Variants in PRCD observed in about 807,000 individuals in gnomAD.
PRCD encodes the protein photoreceptor disk component PRCD.
In PRCD, 12 loss-of-function variants were observed where a neutral mutation model predicts 10.1. The observed-to-expected ratio is 1.18, with a 90% CI of 0.76 to 1.92. PRCD has a LOEUF of 1.92. Ranked by LOEUF, PRCD falls within the 40% of genes most tolerant of loss-of-function variation. PRCD has a pLI of 0.00. For synonymous variants in PRCD, 31 were observed against 26.2 expected, an observed-to-expected ratio of 1.18 and a Z score of -0.56; for missense variants, 61 against 72.2, an observed-to-expected ratio of 0.84 and a Z score of 0.56.
chr17:76,536,607 G>A (rs1598207448), upstream of PRCD, among the ~76,000 whole-genome samples: 1 of 152,152 alleles, frequency 6.6e-6, no homozygotes, highest in African/African-American at 2.4e-5. Context: ...CTAAGCCTAG[G>A]TGTGTGAAGA....
chr17:76,531,731 T>C lies in PRCD; in HGVS notation n.45+3898T>C, dbSNP rs1036334876. On this transcript the variant is annotated intron_variant and non_coding_transcript_variant, in intron 1 of 4. Transcript: ENST00000397633. This position sits in a 1 kb window ranked among gnomAD's most constrained non-coding sequence, Gnocchi z 7.4. ...AGGGGTGGTCGCTGAAGCTGGAGGC[T>C]GCCTCGGGCCCACCCTGAAGCTTCC... 12 of 1,537,310 alleles carry C rather than the reference T, an allele frequency of 7.8e-6. No homozygotes were observed. In the African/African-American group the frequency reaches 1.6e-4, roughly 21 times the overall value.
At position 76,544,807 on chromosome 17, in the gene PRCD, T is replaced by C; in HGVS notation, c.*1157T>C. On this transcript the variant is annotated 3_prime_UTR_variant, in exon 5 of 5. Transcript: ENST00000592014. ...CTTGCTGCCATTTCCGAGTTGCTCA[T>C]CTCCTTCCACTGGTCTGAGGAATTG... 2 of 456,796 alleles carry C rather than the reference T, an allele frequency of 4.4e-6. No homozygotes were observed. Among genetic ancestry groups the C allele is most frequent in the Non-Finnish European group, 8.8e-6 (2 of 226,990 alleles). The allele number at this position is 456,796 out of a possible 1,614,324, so 28.3% of individuals were successfully genotyped here. A position where few individuals can be genotyped will look rare whatever the true frequency, so the allele number is the denominator to read the frequency against.
chr17:76,536,877 A>G (rs2143118246), upstream of PRCD, among the ~76,000 whole-genome samples: 2 of 152,288 alleles, frequency 1.3e-5, no homozygotes, highest in East Asian at 3.9e-4. Context: ...GCAGCTGGGA[A>G]CACTGGACCC....
Position 76,528,542 on chromosome 17 carries a change from G to T in PRCD, n.45+709G>T. On this transcript the variant is annotated intron_variant and non_coding_transcript_variant, in intron 1 of 4. Transcript: ENST00000397633. The surrounding 1 kb of genome is among the most constrained non-coding windows in gnomAD (Gnocchi z 5.8). ...GTCTTCAGAACTCGGCCTTCTGCTC[G>T]AGGTGCTGCCAGGGAGGGGGGTGGA... 7.8e-7 allele frequency: 1 copy of T among 1,287,834 alleles called. No individual in the cohort carries two copies. 79.8% of individuals were successfully genotyped at this position (1,287,834 alleles called of 1,614,324 possible). A position where few individuals can be genotyped will look rare whatever the true frequency, so the allele number is the denominator to read the frequency against.
At chr17:76,537,687 C>T (rs2074935953), upstream of PRCD, 1 of 715,120 alleles carries the variant, frequency 1.4e-6, no homozygotes, top group African/African-American at 2.0e-5. Flanking sequence ...GAGCGTGTGT[C>T]TGTGCGCGCC....
chr17:76,530,264 C>T lies in PRCD; in HGVS notation n.45+2431C>T, dbSNP rs2074820247. ...CCAGAGTCAGCCTCCCCTTGGGGGCCCAGGGAGGCCGAGTGTTCCCAACCG... is the reference window on the plus strand; with the variant it reads ...CCAGAGTCAGCCTCCCCTTGGGGGCTCAGGGAGGCCGAGTGTTCCCAACCG... On this transcript the variant is annotated intron_variant and non_coding_transcript_variant, in intron 1 of 4. Transcript: ENST00000397633. The surrounding 1 kb of genome is among the most constrained non-coding windows in gnomAD (Gnocchi z 6.1). Among the ~76,000 whole-genome samples the T allele has an allele frequency of 6.6e-6, 1 of 152,092 alleles. No homozygotes were observed. The highest frequency in any genetic ancestry group is 2.4e-5 in the African/African-American group (1 of 41,410).
chr17:76,531,181 C>G lies in PRCD; in HGVS notation n.45+3348C>G, dbSNP rs375562952. 24 of 1,590,384 alleles carry G rather than the reference C, an allele frequency of 1.5e-5. No homozygotes were observed. Among genetic ancestry groups the G allele is most frequent in the Non-Finnish European group, 2.0e-5 (23 of 1,164,954 alleles). On this transcript the variant is annotated intron_variant and non_coding_transcript_variant, in intron 1 of 4. Transcript: ENST00000397633. This position sits in a 1 kb window ranked among gnomAD's most constrained non-coding sequence, Gnocchi z 7.4. ...GAGGAAGGGGGAGTGAACGCCCGGG[C>G]GCCCTGCGTCCTGCAACCCCCAGGC...
chr17:76,531,433 G>A lies in PRCD; in HGVS notation n.45+3600G>A. ...ATGGCCATGACGCGTGGGCGGTGGG[G>A]GCTCTGCAGCAGATGGGGGCGCATA... On this transcript the variant is annotated intron_variant and non_coding_transcript_variant, in intron 1 of 4. Coordinates refer to the PRCD transcript ENST00000397633. The surrounding 1 kb of genome is among the most constrained non-coding windows in gnomAD (Gnocchi z 7.4). The A allele has an allele frequency of 6.3e-7, 1 of 1,592,822 alleles. No individual in the cohort carries two copies. The highest frequency in any genetic ancestry group is 1.7e-4 in the Middle Eastern group (1 of 5,990).
rs2074872055 is a variant in PRCD, at chr17:76,533,412, G to A, written n.45+5579G>A. Among the ~76,000 whole-genome samples the A allele has an allele frequency of 6.6e-6, 1 of 152,168 alleles. No individual in the cohort carries two copies. The highest frequency in any genetic ancestry group is 6.5e-5 in the Admixed American group (1 of 15,268). ...TAAACAAGCATCTCAGACTTTGGAG[G>A]TTTTACAATTGCAATAAAAAATAAT... On this transcript the variant is annotated intron_variant and non_coding_transcript_variant, in intron 1 of 4. Coordinates refer to the PRCD transcript ENST00000397633. This position sits in a 1 kb window ranked among gnomAD's most constrained non-coding sequence, Gnocchi z 4.5.
upstream of PRCD, among the ~76,000 whole-genome samples, chr17:76,535,223 T>C (rs187060976): frequency 3.8e-4 from 58 of 152,308 alleles, no homozygotes; most frequent in Non-Finnish European, 7.6e-4. Flanking sequence ...GCCTCCTTCC[T>C]GCCCTGCAGG....
At chr17:76,532,455 T>TAAG (rs2074856539) in intron 1 of PRCD, among the ~76,000 whole-genome samples, 1 of 151,920 alleles carries the variant, frequency 6.6e-6, no homozygotes, top group Non-Finnish European at 1.5e-5. Context: ...CGTGTCAGAC[T>TAAG]GGATCCCAAG....
At position 76,540,258 on chromosome 17, in the gene PRCD, G is replaced by A. The variant is rs747650092; in HGVS notation, c.74+43G>A. 4 of 1,100,756 alleles carry A rather than the reference G, an allele frequency of 3.6e-6. 1 individual carries two copies. The highest frequency in any genetic ancestry group is 2.5e-5 in the East Asian group (1 of 39,426). 68.2% of individuals were successfully genotyped at this position (1,100,756 alleles called of 1,614,324 possible). A position where few individuals can be genotyped will look rare whatever the true frequency, so the allele number is the denominator to read the frequency against. ...CTATGGCTGGCGGTTGGTCGGGGGG[G>A]GGGGGCATGGGGCTGGGCTGCCACC... On this transcript the variant is annotated intron_variant, in intron 1 of 4. Coordinates refer to ENST00000592014, the MANE Select transcript of PRCD (RefSeq NM_001077620.3). The surrounding 1 kb of genome is among the most constrained non-coding windows in gnomAD (Gnocchi z 5.0).
rs1031547538 is a variant in PRCD at position 76,545,194 on chromosome 17, T to A, written c.*1544T>A. On this transcript the variant is annotated 3_prime_UTR_variant, in exon 5 of 5. Coordinates refer to ENST00000592014, the MANE Select transcript of PRCD (RefSeq NM_001077620.3). ...CCACCCCTGGGCTCTCTGCGCAGTC[T>A]GCACATTTGCAGCTCCTGCTGCAGA... 5 of 456,662 alleles carry A rather than the reference T, an allele frequency of 1.1e-5. No individual in the cohort carries two copies. In the East Asian group the frequency reaches 3.5e-4, roughly 32 times the overall value. The allele number at this position is 456,662 out of a possible 1,614,324, so 28.3% of individuals were successfully genotyped here.
chr17:76,528,880 G>A lies in PRCD; in HGVS notation n.45+1047G>A. 8.2e-7 allele frequency: 1 copy of A among 1,214,916 alleles called. No homozygotes were observed. Among genetic ancestry groups the A allele is most frequent in the Non-Finnish European group, 1.0e-6 (1 of 977,202 alleles). 75.3% of individuals were successfully genotyped at this position (1,214,916 alleles called of 1,614,324 possible). A position where few individuals can be genotyped will look rare whatever the true frequency, so the allele number is the denominator to read the frequency against. On this transcript the variant is annotated intron_variant and non_coding_transcript_variant, in intron 1 of 4. Coordinates refer to the PRCD transcript ENST00000397633. This position sits in a 1 kb window ranked among gnomAD's most constrained non-coding sequence, Gnocchi z 5.8. ...ATGTCTGTCTTGTGACATAAACTGG[G>A]TAAAAAAGTGTTTCACAAACTGCAA...
In PRCD at chr17:76,545,257, C is replaced by T. The variant is rs1196119117; in HGVS notation, c.*1607C>T. Reference sequence around the variant, plus strand: ...TCAGCCTAGAGCTCCCCACAGAAGGCTCCTGGGACCCGGGTGCCCCTTCCT... The same window carrying T: ...TCAGCCTAGAGCTCCCCACAGAAGGTTCCTGGGACCCGGGTGCCCCTTCCT... On this transcript the variant is annotated 3_prime_UTR_variant, in exon 5 of 5. Coordinates refer to ENST00000592014, the MANE Select transcript of PRCD (RefSeq NM_001077620.3). The T allele has an allele frequency of 2.2e-6, 1 of 456,794 alleles. No individual in the cohort carries two copies. Among genetic ancestry groups the T allele is most frequent in the Admixed American group, 2.3e-5 (1 of 42,592 alleles). The allele number at this position is 456,794 out of a possible 1,614,324, so 28.3% of individuals were successfully genotyped here.
At chr17:76,552,861 T>C (rs1178993486) in intron 1 of PRCD, 1 of 57,386 alleles carries the variant, frequency 1.7e-5, no homozygotes, top group Admixed American at 2.1e-4. Context: ...CAAAGCTCTG[T>C]CTCAAAAAAA....
At position 76,534,099 on chromosome 17, in the gene PRCD, TTTTCTTTCTTTC is replaced by T. The variant is rs746554565; in HGVS notation, n.45+6269_45+6280del. Among the ~76,000 whole-genome samples, 603 of 75,968 alleles carry T rather than the reference TTTTCTTTCTTTC, an allele frequency of 7.9e-3. 1 individual carries two copies. The highest frequency in any genetic ancestry group is 0.031 in the Middle Eastern group (4 of 128). 49.8% of individuals were successfully genotyped at this position (75,968 alleles called of 152,430 possible). On this transcript the variant is annotated intron_variant and non_coding_transcript_variant, in intron 1 of 4. Coordinates refer to the PRCD transcript ENST00000397633. ...TACAATGTTATTGTACCTTTTTTCTTTTTCTTTCTTTCTTCTTTCTTTCTTTCTTTCTCTCTC... is the reference window on the plus strand; with the variant it reads ...TACAATGTTATTGTACCTTTTTTCTTTTCTTTCTTTCTTTCTTTCTCTCTC...
chr17:76,528,222 C>T lies in PRCD; in HGVS notation n.45+389C>T. On this transcript the variant is annotated intron_variant and non_coding_transcript_variant, in intron 1 of 4. Coordinates refer to the PRCD transcript ENST00000397633. This position sits in a 1 kb window ranked among gnomAD's most constrained non-coding sequence, Gnocchi z 5.8. ...GATACTCTAGATGGTGATGTGGAGA[C>T]CTGCATGCTGGCCGGGCTGATAGAA... The T allele has an allele frequency of 2.5e-6, 1 of 398,236 alleles. No individual in the cohort carries two copies. The highest frequency in any genetic ancestry group is 4.4e-6 in the Non-Finnish European group (1 of 226,444). The allele number at this position is 398,236 out of a possible 1,614,324, so 24.7% of individuals were successfully genotyped here.
chr17:76,537,478 G>A, upstream of PRCD: 2 of 1,592,376 alleles, frequency 1.3e-6, no homozygotes, highest in East Asian at 2.4e-5. Flanking sequence ...CTTCCTCTCC[G>A]CCTCGGACAG....
Sources: allele counts gnomAD v4.1 joint callset (sites outside exome capture counted in the v4.1 genomes callset), GRCh38; gene constraint gnomAD v4.1.1; non-coding constraint Gnocchi (gnomAD v3.1); transcripts MANE v1.5; gene names NCBI Gene and HGNC (gene_info 2026-07-23, HGNC 2026-07-21).